The following VAV1 variants were observed in gnomAD, a reference collection of about 807,000 sequenced individuals.
The protein encoded by VAV1 is proto-oncogene vav.
Under a neutral mutation model 128.1 loss-of-function variants are expected in VAV1, and 33 were observed. The observed-to-expected ratio is 0.26, with a 90% CI of 0.20 to 0.34. VAV1 has a LOEUF of 0.34. VAV1 is among the 10% of genes least tolerant of loss of function. VAV1 has a pLI of 1.00. For missense variants in VAV1, 715 were observed against 1,093.7 expected, an observed-to-expected ratio of 0.65 and a Z score of 4.88; for synonymous variants, 394 against 409.8, an observed-to-expected ratio of 0.96 and a Z score of 0.47.
intron 14 of VAV1, among the ~76,000 whole-genome samples, chr19:6,830,196 C>A (rs1199298741): frequency 6.7e-6 from 1 of 149,910 alleles, no homozygotes; most frequent in Admixed American, 6.6e-5. Context: ...GTAGCTGGGA[C>A]TACAGGCACA....
chr19:6,789,260 C>CTTT (rs771682522), intron 1 of VAV1, among the ~76,000 whole-genome samples: 1 of 144,934 alleles, frequency 6.9e-6, no homozygotes, highest in African/African-American at 2.5e-5. Flanking sequence ...CTCCTTTCTT[C>CTTT]TTTTTTTTTT....
intron 26 of VAV1, among the ~76,000 whole-genome samples, chr19:6,856,585 G>C (rs1972808460): frequency 6.6e-6 from 1 of 151,092 alleles, no homozygotes. Flanking sequence ...TTAGCCGGGT[G>C]TGGTGGCAGG....
At chr19:6,830,253 T>G (rs1972023939) in intron 14 of VAV1, among the ~76,000 whole-genome samples, 1 of 151,280 alleles carries the variant, frequency 6.6e-6, no homozygotes, top group Non-Finnish European at 1.5e-5. Flanking sequence ...GAGACAGGGT[T>G]TCACCATGTT....
chr19:6,800,630 GT>G (rs920038000), intron 1 of VAV1, among the ~76,000 whole-genome samples: 15 of 143,410 alleles, frequency 1.0e-4, no homozygotes, highest in African/African-American at 3.7e-4. Flanking sequence ...GTTTTGTTTT[GT>G]TTTTTGTTTT....
intron 1 of VAV1, among the ~76,000 whole-genome samples, chr19:6,789,800 T>C (rs1206302867): frequency 6.6e-6 from 1 of 151,872 alleles, no homozygotes; most frequent in Admixed American, 6.6e-5. Flanking sequence ...GGTTTTGCCA[T>C]CTTGGCCAGG....
chr19:6,832,056 G>A (rs749148300), intron 14 of VAV1, 35 bp from the exon 15 acceptor site: 5 of 1,602,860 alleles, frequency 3.1e-6, no homozygotes, highest in Non-Finnish European at 4.3e-6. Flanking sequence ...CTCTGCGGGG[G>A]CAGTGCCTTC....
At position 6,837,077 on chromosome 19, in the gene VAV1, A is replaced by T. The variant is rs201336552; in HGVS notation, c.1980+27A>T. The T allele has an allele frequency of 8.1e-6, 13 of 1,612,326 alleles. No individual in the cohort carries two copies. In the East Asian group the frequency reaches 2.9e-4, roughly 36 times the overall value. ...TGAGTGCCTCAAGTCTGAATGGAAT[A>T]AGGGCAAGGGGTCCAGGGCGGGTCC... On this transcript the variant is annotated intron_variant, in intron 21 of 26. Coordinates refer to ENST00000602142, the MANE Select transcript of VAV1 (RefSeq NM_005428.4).
intron 1 of VAV1, among the ~76,000 whole-genome samples, chr19:6,796,087 T>G (rs1971127094): frequency 1.3e-5 from 2 of 152,180 alleles, no homozygotes. Context: ...CTGTTAGAGA[T>G]ATACCCTGGT....
In VAV1 at chr19:6,838,588, ATCTG is replaced by A. The variant is rs1159017672; in HGVS notation, c.1980+1542_1980+1545del. Among the ~76,000 whole-genome samples, 18 of 152,056 alleles carry A rather than the reference ATCTG, an allele frequency of 1.2e-4. No homozygotes were observed. In the South Asian group the frequency reaches 1.7e-3, roughly 14 times the overall value. ...TCACCTACCGATCTAACCATCTATCATCTGTCTATTACCTATTTATTATCATTTC... is the reference window on the plus strand; with the variant it reads ...TCACCTACCGATCTAACCATCTATCATCTATTACCTATTTATTATCATTTC... On this transcript the variant is annotated intron_variant, in intron 21 of 26. Transcript: ENST00000602142.
intron 1 of VAV1, 79 bp downstream of exon 1, chr19:6,773,090 G>C: frequency 6.4e-7 from 1 of 1,555,080 alleles, no homozygotes; most frequent in Admixed American, 1.7e-5. Context: ...GGGCTGACGT[G>C]CTGCTCCACC....
intron 1 of VAV1, among the ~76,000 whole-genome samples, chr19:6,793,305 G>A (rs1971057559): frequency 6.6e-6 from 1 of 151,966 alleles, no homozygotes; most frequent in Admixed American, 6.6e-5. Flanking sequence ...CTGCACTCCA[G>A]CCTGGGTGAC....
At chr19:6,833,351 G>C (rs1972135454) in intron 16 of VAV1, 66 bp downstream of exon 16, 1 of 1,506,190 alleles carries the variant, frequency 6.6e-7, no homozygotes, top group Admixed American at 2.1e-5. Context: ...AGAGAAGATG[G>C]CCTAGTAATT....
intron 1 of VAV1, among the ~76,000 whole-genome samples, chr19:6,784,693 C>T (rs556519369): frequency 4.6e-5 from 7 of 152,140 alleles, no homozygotes; most frequent in Non-Finnish European, 8.8e-5. Context: ...GGGGTTTCAC[C>T]ATGTTGGCCA....
rs773696752 is a variant in VAV1 at position 6,853,036 on chromosome 19, C to T, written c.2289C>T (p.Phe763=). The part of the protein sequence containing the change: ...CFKSLDTTLQ[F]PFKEPEKRTI... ...AGTCTCTGGACACCACCTTGCAGTT[C>T]CCCTTCAAGGAGCCTGAAAAGAGAA... Residue 763 remains phenylalanine, a synonymous_variant, in exon 25 of 27, where the codon TTC becomes TTT. Coordinates refer to ENST00000602142, the MANE Select transcript of VAV1 (RefSeq NM_005428.4). 1 of 1,611,776 alleles carries T rather than the reference C, an allele frequency of 6.2e-7. No homozygotes were observed. Among genetic ancestry groups the T allele is most frequent in the Non-Finnish European group, 8.5e-7 (1 of 1,178,554 alleles).
At chr19:6,796,423 G>T (rs964190249) in intron 1 of VAV1, among the ~76,000 whole-genome samples, 1 of 140,328 alleles carries the variant, frequency 7.1e-6, no homozygotes, top group Non-Finnish European at 1.5e-5. Flanking sequence ...GACCACCCTT[G>T]GTTCACTCCC....
chr19:6,808,070 T>C (rs1348843326), intron 1 of VAV1, among the ~76,000 whole-genome samples: 1 of 151,510 alleles, frequency 6.6e-6, no homozygotes, highest in African/African-American at 2.4e-5. Context: ...CCCAGCACTT[T>C]GGGAGGCCGA....
At chr19:6,833,487 A>G (rs1972139950) in intron 16 of VAV1, 41 bp from the exon 17 acceptor site, 1 of 1,547,530 alleles carries the variant, frequency 6.5e-7, no homozygotes, top group African/African-American at 1.4e-5. Context: ...CCCTGTCTGT[A>G]AAGGTCACTC....
chr19:6,822,090 C>A lies in VAV1; in HGVS notation c.450-131C>A. ...GGCCCTGCCCTGGAGCTTGGAGGGA[C>A]ATGGCCTGCCCTTGGAGTCTGAGGT... On this transcript the variant is annotated intron_variant, in intron 4 of 26. Coordinates refer to ENST00000602142, the MANE Select transcript of VAV1 (RefSeq NM_005428.4). This position sits in a 1 kb window ranked among gnomAD's most constrained non-coding sequence, Gnocchi z 5.9. 1 of 1,037,728 alleles carries A rather than the reference C, an allele frequency of 9.6e-7. No individual in the cohort carries two copies. Among genetic ancestry groups the A allele is most frequent in the Non-Finnish European group, 1.4e-6 (1 of 701,826 alleles). The allele number at this position is 1,037,728 out of a possible 1,614,324, so 64.3% of individuals were successfully genotyped here.
chr19:6,842,187 G>A (rs1047202211), intron 21 of VAV1, among the ~76,000 whole-genome samples: 1 of 151,918 alleles, frequency 6.6e-6, no homozygotes, highest in Non-Finnish European at 1.5e-5. Context: ...CCAAGATCGC[G>A]CCATTGCACT....
Sources: gnomAD v4.1 joint callset for allele counts (sites outside exome capture counted in the v4.1 genomes callset) on GRCh38, gnomAD v4.1.1 for gene constraint, Gnocchi (gnomAD v3.1) non-coding constraint, MANE v1.5 for transcripts, NCBI Gene and HGNC (gene_info 2026-07-23, HGNC 2026-07-21) for gene names.